Variants in TMEM132B observed in about 807,000 individuals in gnomAD.
The protein encoded by TMEM132B is transmembrane protein 132B.
Under a neutral mutation model 90.8 loss-of-function variants are expected in TMEM132B, and 18 were observed. That is an observed-to-expected ratio of 0.20 (90% CI 0.14 to 0.29). The LOEUF is 0.29. Among genes scored for constraint, TMEM132B ranks in the 10% least tolerant of loss-of-function variants. The pLI, the probability that TMEM132B is intolerant of heterozygous loss-of-function variation, is 1.00. For missense variants in TMEM132B, 1,096 were observed against 1,326.8 expected, an observed-to-expected ratio of 0.83 and a Z score of 2.70; for synonymous variants, 504 against 523.3, an observed-to-expected ratio of 0.96 and a Z score of 0.50.
intron 4 of TMEM132B, among the ~76,000 whole-genome samples, chr12:125,538,767 A>G (rs189248622): frequency 3.3e-5 from 5 of 152,312 alleles, no homozygotes; most frequent in Non-Finnish European, 7.3e-5. Flanking sequence ...TTCAAGTCCC[A>G]TTCTTTGTGT....
At chr12:125,356,550 T>C (rs1471163583) in intron 2 of TMEM132B, among the ~76,000 whole-genome samples, 1 of 152,204 alleles carries the variant, frequency 6.6e-6, no homozygotes, top group Admixed American at 6.5e-5. Flanking sequence ...TCCTCTGAAA[T>C]ATATAGACTC....
At chr12:125,641,161 T>A (rs1886621325) in intron 5 of TMEM132B, among the ~76,000 whole-genome samples, 1 of 152,164 alleles carries the variant, frequency 6.6e-6, no homozygotes, top group African/African-American at 2.4e-5. Context: ...GTATGAGAGC[T>A]GAGACAAGAA....
intron 1 of TMEM132B, among the ~76,000 whole-genome samples, chr12:125,340,956 C>T (rs1877161135): frequency 6.6e-6 from 1 of 152,234 alleles, no homozygotes; most frequent in Non-Finnish European, 1.5e-5. Context: ...GAGCACTCAC[C>T]AGAGGAACTT....
chr12:125,275,127 C>CAGCT (rs1874954992), intron 1 of TMEM132B, among the ~76,000 whole-genome samples: 1 of 152,152 alleles, frequency 6.6e-6, no homozygotes. Flanking sequence ...GTCCCAAACC[C>CAGCT]AGCTAACCCG....
At chr12:125,615,870 G>A (rs1313776207) in intron 5 of TMEM132B, among the ~76,000 whole-genome samples, 1 of 152,100 alleles carries the variant, frequency 6.6e-6, no homozygotes, top group Non-Finnish European at 1.5e-5. Flanking sequence ...AGATTAATAG[G>A]AGAAAAGTCA....
intron 2 of TMEM132B, among the ~76,000 whole-genome samples, chr12:125,405,786 C>G (rs1879455269): frequency 6.6e-6 from 1 of 152,236 alleles, no homozygotes; most frequent in East Asian, 1.9e-4. Context: ...TATGTTGATA[C>G]AGGTAAAGCA....
At position 125,350,059 on chromosome 12, in the gene TMEM132B, G is replaced by A. The variant is rs769798120; in HGVS notation, c.675G>A (p.Thr225=). 1.4e-5 allele frequency: 22 copies of A among 1,614,086 alleles called. No homozygotes were observed. The African/African-American group carries it at 1.9e-4, about 14-fold the overall frequency. The stretch of plus-strand genomic sequence containing the variant: ...GCACCACGATGGAGCTCTTCTTCAC[G>A]CTCTACCCAGCTGACAAGGCTGGCC... The part of the protein sequence containing the change: ...LGGTTMELFF[T]LYPADKAGQC... The change falls in exon 2 of 9, where the codon ACG becomes ACA. Residue 225 remains threonine, a synonymous_variant. Transcript: ENST00000682704.
chr12:125,655,304 C>T lies in TMEM132B; in HGVS notation c.*594C>T, dbSNP rs2137060199. On this transcript the variant is annotated 3_prime_UTR_variant, in exon 9 of 9. Coordinates refer to ENST00000682704, the MANE Select transcript of TMEM132B (RefSeq NM_001366854.1). ...TTTGATTTACACATGAGTTTTCTTC[C>T]CTGGGATTTGCCATGCCATGTTATT... is the stretch of plus-strand genomic sequence containing the variant. 1 of 152,308 alleles carries T rather than the reference C, an allele frequency of 6.6e-6. No individual in the cohort carries two copies. Among genetic ancestry groups the T allele is most frequent in the East Asian group, 1.9e-4 (1 of 5,186 alleles). The allele number at this position is 152,308 out of a possible 1,614,324, so 9.4% of individuals were successfully genotyped here.
chr12:125,238,010 C>T (rs1873975450), intron 1 of TMEM132B, among the ~76,000 whole-genome samples: 1 of 152,310 alleles, frequency 6.6e-6, no homozygotes, highest in African/African-American at 2.4e-5. Context: ...CAGAGAAGGT[C>T]ACAAAAGCCC....
intron 2 of TMEM132B, among the ~76,000 whole-genome samples, chr12:125,374,535 G>A (rs544730408): frequency 9.9e-5 from 15 of 152,110 alleles, no homozygotes; most frequent in Middle Eastern, 3.4e-3. Context: ...CAGTTGAAAC[G>A]GTGAGGCTCA....
chr12:125,503,287 C>T (rs763573949), intron 3 of TMEM132B, among the ~76,000 whole-genome samples: 3 of 152,106 alleles, frequency 2.0e-5, no homozygotes, highest in East Asian at 1.9e-4. Flanking sequence ...GGTGAGTGTA[C>T]GGGGGACATA....
chr12:125,590,881 G>T (rs1321437984), intron 5 of TMEM132B, among the ~76,000 whole-genome samples: 1 of 152,210 alleles, frequency 6.6e-6, no homozygotes, highest in African/African-American at 2.4e-5. Context: ...AGGTGCTGTA[G>T]CTCAAGTTCT....
intron 4 of TMEM132B, among the ~76,000 whole-genome samples, chr12:125,537,775 A>T (rs1883847352): frequency 6.6e-6 from 1 of 152,124 alleles, no homozygotes; most frequent in Non-Finnish European, 1.5e-5. Context: ...CAGAGTTAGG[A>T]ACATTGGGTC....
chr12:125,646,907 G>A (rs1886777294), intron 6 of TMEM132B, among the ~76,000 whole-genome samples: 2 of 152,032 alleles, frequency 1.3e-5, no homozygotes, highest in African/African-American at 2.4e-5. Flanking sequence ...TATCTGACAA[G>A]GATTTTAAAG....
At chr12:125,339,082 A>G (rs1232714103) in intron 1 of TMEM132B, among the ~76,000 whole-genome samples, 3 of 152,194 alleles carry the variant, frequency 2.0e-5, no homozygotes, top group South Asian at 4.1e-4. Context: ...GAGTTTTGAC[A>G]TGGGCAACTT....
At chr12:125,210,572 C>T (rs968018991) in intron 1 of TMEM132B, among the ~76,000 whole-genome samples, 7 of 148,222 alleles carry the variant, frequency 4.7e-5, no homozygotes, top group African/African-American at 1.5e-4. Flanking sequence ...AGGTGGGGGG[C>T]GGGGCAGGAA....
At chr12:125,388,289 C>T (rs759613328) in intron 2 of TMEM132B, among the ~76,000 whole-genome samples, 8 of 151,950 alleles carry the variant, frequency 5.3e-5, no homozygotes, top group Non-Finnish European at 1.0e-4. Context: ...AGTAGCTGGG[C>T]GTGGTGGTGC....
At chr12:125,276,382 C>A (rs1162175254) in intron 1 of TMEM132B, among the ~76,000 whole-genome samples, 1 of 152,202 alleles carries the variant, frequency 6.6e-6, no homozygotes, top group Non-Finnish European at 1.5e-5. Flanking sequence ...GTGACCAGAA[C>A]TGCAGAGAGT....
chr12:125,456,428 C>T (rs1016473260), intron 3 of TMEM132B, among the ~76,000 whole-genome samples: 28 of 152,314 alleles, frequency 1.8e-4, no homozygotes, highest in African/African-American at 3.4e-4. Context: ...AGTCTAAAAA[C>T]GCCTCCTTGC....
Sources: gnomAD v4.1 joint callset for allele counts (sites outside exome capture counted in the v4.1 genomes callset) on GRCh38, gnomAD v4.1.1 for gene constraint, MANE v1.5 for transcripts, NCBI Gene and HGNC (gene_info 2026-07-23, HGNC 2026-07-21) for gene names.